The following TSPAN2 variants were observed in gnomAD, a reference collection of about 807,000 sequenced individuals.
TSPAN2 encodes the protein tetraspanin-2.
In TSPAN2, 24 loss-of-function variants were observed where a neutral mutation model predicts 33.3. That is an observed-to-expected ratio of 0.72 (90% CI 0.52 to 1.01). TSPAN2 has a LOEUF of 1.01. Among genes scored for constraint, TSPAN2 ranks in the 50% least tolerant of loss-of-function variants. The pLI is 0.00. For missense variants in TSPAN2, 278 were observed against 281.3 expected, an observed-to-expected ratio of 0.99 and a Z score of 0.08; for synonymous variants, 114 against 104.5, an observed-to-expected ratio of 1.09 and a Z score of -0.56.
chr1:115,077,004 T>C (rs1168785314), intron 1 of TSPAN2, among the ~76,000 whole-genome samples: 2 of 151,354 alleles, frequency 1.3e-5, no homozygotes, highest in Non-Finnish European at 2.9e-5. Flanking sequence ...CACTGCAGCC[T>C]CAACTTCCCG....
intron 2 of TSPAN2, among the ~76,000 whole-genome samples, chr1:115,064,136 C>T (rs139764883): frequency 2.0e-5 from 3 of 152,238 alleles, no homozygotes; most frequent in East Asian, 1.9e-4. Context: ...CTCAAAACAA[C>T]GTGGTTAGGT....
rs902243157 is a variant in TSPAN2 at position 115,049,136 on chromosome 1, A to G, written c.*1354T>C. 6.6e-6 allele frequency: 1 copy of G among 152,170 alleles called. No homozygotes were observed. The highest frequency in any genetic ancestry group is 6.5e-5 in the Admixed American group (1 of 15,268). 9.4% of individuals were successfully genotyped at this position (152,170 alleles called of 1,614,324 possible). On this transcript the variant is annotated 3_prime_UTR_variant, in exon 8 of 8. Transcript: ENST00000369516. The stretch of plus-strand genomic sequence containing the variant: ...AAATCTATGGTTTACTAAATGTAAC[A>G]CGTTAAAAATCACTGAAAAATTTGC...
At chr1:115,050,608 A>C (rs1187314841) in intron 7 of TSPAN2, 53 bp from the exon 8 acceptor site, 1 of 1,501,674 alleles carries the variant, frequency 6.7e-7, no homozygotes, top group African/African-American at 1.4e-5. Flanking sequence ...CTGATAGGTA[A>C]AAAGTTCAGC....
At chr1:115,077,939 T>C (rs1400242235) in intron 1 of TSPAN2, among the ~76,000 whole-genome samples, 1 of 152,168 alleles carries the variant, frequency 6.6e-6, no homozygotes, top group Non-Finnish European at 1.5e-5. Context: ...CAAGAGCAAA[T>C]ACCTGCTATC....
At chr1:115,060,703 C>T (rs1180849431) in intron 3 of TSPAN2, among the ~76,000 whole-genome samples, 165 bp from the exon 4 acceptor site, 1 of 152,220 alleles carries the variant, frequency 6.6e-6, no homozygotes, top group Non-Finnish European at 1.5e-5. Context: ...GCACCAGGTA[C>T]TGTCCTTGGT....
intron 1 of TSPAN2, among the ~76,000 whole-genome samples, chr1:115,088,880 A>C (rs898137866): frequency 3.3e-5 from 5 of 152,154 alleles, no homozygotes; most frequent in East Asian, 1.9e-4. Context: ...AGCCAGGTAC[A>C]GTGTCCACAC....
At chr1:115,074,082 G>C (rs1314560790) in intron 1 of TSPAN2, among the ~76,000 whole-genome samples, 3 of 152,094 alleles carry the variant, frequency 2.0e-5, no homozygotes, top group Non-Finnish European at 4.4e-5. Flanking sequence ...GTTGCTGTTG[G>C]GCTGCCCTAG....
chr1:115,087,615 CAAAA>C (rs58524726), intron 1 of TSPAN2, among the ~76,000 whole-genome samples: 1 of 92,210 alleles, frequency 1.1e-5, no homozygotes, highest in African/African-American at 4.1e-5. Flanking sequence ...GACTCCGTCT[CAAAA>C]AAAAAAAAAA....
In TSPAN2 at chr1:115,068,825, A is replaced by G. The variant is rs184556443; in HGVS notation, c.172+4080T>C. On this transcript the variant is annotated intron_variant, in intron 2 of 7. Transcript: ENST00000369516. ...TGTCTTTCTATTTATATTATAAGAC[A>G]TACTTGAAAGGGAAAAAAGGTACCT... Among the ~76,000 whole-genome samples, 452 of 152,356 alleles carry G rather than the reference A, an allele frequency of 3.0e-3. 1 individual carries two copies. Among genetic ancestry groups the G allele is most frequent in the Admixed American group, 5.7e-3 (87 of 15,306 alleles).
chr1:115,075,998 C>T (rs931247977), intron 1 of TSPAN2, among the ~76,000 whole-genome samples: 11 of 151,254 alleles, frequency 7.3e-5, no homozygotes, highest in Non-Finnish European at 1.6e-4. Context: ...ATGAAAAAGA[C>T]ATGGTTCATA....
At chr1:115,062,914 C>T (rs1356036090) in intron 2 of TSPAN2, among the ~76,000 whole-genome samples, 2 of 152,146 alleles carry the variant, frequency 1.3e-5, no homozygotes, top group Non-Finnish European at 2.9e-5. Flanking sequence ...GAGCCACAGG[C>T]GAGGCTGCTC....
At chr1:115,050,660 A>T (rs1369375111) in intron 7 of TSPAN2, 105 bp from the exon 8 acceptor site, 1 of 817,146 alleles carries the variant, frequency 1.2e-6, no homozygotes, top group Non-Finnish European at 2.1e-6. Flanking sequence ...AATAATTATA[A>T]CCAATAATTA....
chr1:115,074,261 T>G (rs145616354), intron 1 of TSPAN2, among the ~76,000 whole-genome samples: 2 of 152,154 alleles, frequency 1.3e-5, no homozygotes, highest in Non-Finnish European at 2.9e-5. Context: ...ACTTCTGTCT[T>G]GCCAGGCAGC....
intron 3 of TSPAN2, 30 bp downstream of exon 3, chr1:115,062,104 AC>A: frequency 1.2e-6 from 1 of 832,514 alleles, no homozygotes; most frequent in Non-Finnish European, 1.9e-6. Flanking sequence ...CCTCACCCCC[AC>A]CCCACCATTT....
intron 1 of TSPAN2, among the ~76,000 whole-genome samples, chr1:115,074,692 A>C (rs1202532497): frequency 6.6e-6 from 1 of 152,154 alleles, no homozygotes; most frequent in Non-Finnish European, 1.5e-5. Context: ...TTAAGCATGT[A>C]TTTCTCTTGT....
At chr1:115,074,614 A>G (rs1320792915) in intron 1 of TSPAN2, among the ~76,000 whole-genome samples, 3 of 152,242 alleles carry the variant, frequency 2.0e-5, no homozygotes, top group Non-Finnish European at 2.9e-5. Context: ...TTGCTAAAAC[A>G]TTATTTATGA....
At chr1:115,087,943 C>T (rs1447018814) in intron 1 of TSPAN2, among the ~76,000 whole-genome samples, 2 of 152,186 alleles carry the variant, frequency 1.3e-5, no homozygotes, top group Non-Finnish European at 2.9e-5. Context: ...CTTCATAAGG[C>T]TTTGAATTCA....
chr1:115,075,570 TG>T (rs1180413913), intron 1 of TSPAN2, among the ~76,000 whole-genome samples: 7 of 152,154 alleles, frequency 4.6e-5, no homozygotes, highest in Non-Finnish European at 1.0e-4. Flanking sequence ...GACTAGAAAT[TG>T]CTTGAAAAAA....
chr1:115,065,979 A>G (rs186347519), intron 2 of TSPAN2, among the ~76,000 whole-genome samples: 79 of 152,280 alleles, frequency 5.2e-4, no homozygotes, highest in Non-Finnish European at 5.3e-4. Flanking sequence ...CAGTTCCCAC[A>G]TGAGTGAGAT....
Sources: allele counts gnomAD v4.1 joint callset (sites outside exome capture counted in the v4.1 genomes callset), GRCh38; gene constraint gnomAD v4.1.1; transcripts MANE v1.5; gene names NCBI Gene and HGNC (gene_info 2026-07-23, HGNC 2026-07-21).